Variants in PCDHA10 observed in about 807,000 individuals in gnomAD.
PCDHA10 encodes protocadherin alpha-10.
In PCDHA10, 45 loss-of-function variants were observed where a neutral mutation model predicts 61.2. That is an observed-to-expected ratio of 0.74 (90% CI 0.58 to 0.94). PCDHA10 has a LOEUF of 0.94. Among genes scored for constraint, PCDHA10 ranks in the 40% least tolerant of loss-of-function variants. The pLI is 0.00. For synonymous variants in PCDHA10, 602 were observed against 548.8 expected (o/e 1.10, Z -1.35); for missense variants, 1,278 against 1,236.2 (o/e 1.03, Z -0.51).
intron 1 of PCDHA10, among the ~76,000 whole-genome samples, chr5:140,878,958 T>C (rs2057789754): frequency 6.6e-6 from 1 of 152,208 alleles, no homozygotes; most frequent in Admixed American, 6.5e-5. Context: ...TTGAAATGTA[T>C]TACCTGGACA....
chr5:140,966,355 G>C (rs2095993623), intron 1 of PCDHA10: 1 of 400,198 alleles, frequency 2.5e-6, no homozygotes, highest in Non-Finnish European at 4.4e-6. Context: ...AGGAGATGGG[G>C]CTGGAGAGGC....
chr5:140,884,014 G>T, intron 1 of PCDHA10: 2 of 1,613,168 alleles, frequency 1.2e-6, no homozygotes, highest in Non-Finnish European at 1.7e-6. Context: ...AGCTGATGCC[G>T]CGGTCGGTGG....
At chr5:140,873,592 T>G (rs936003894) in intron 1 of PCDHA10, among the ~76,000 whole-genome samples, 1 of 152,234 alleles carries the variant, frequency 6.6e-6, no homozygotes, top group African/African-American at 2.4e-5. Flanking sequence ...TAAGCTAAAC[T>G]TAGATGTTCC....
chr5:140,991,923 C>T (rs996562269), intron 3 of PCDHA10, among the ~76,000 whole-genome samples: 1 of 152,088 alleles, frequency 6.6e-6, no homozygotes, highest in Non-Finnish European at 1.5e-5. Flanking sequence ...TGTAACATAA[C>T]ATATTCACAA....
chr5:140,994,747 G>A (rs2097648455), intron 3 of PCDHA10, among the ~76,000 whole-genome samples: 1 of 152,152 alleles, frequency 6.6e-6, no homozygotes, highest in Non-Finnish European at 1.5e-5. Context: ...ATGGCAAGTA[G>A]GATGTGGAGA....
chr5:140,864,323 T>C (rs2048419778), intron 1 of PCDHA10: 1 of 152,230 alleles, frequency 6.6e-6, no homozygotes, highest in Admixed American at 6.5e-5. Flanking sequence ...TTTAATATCA[T>C]AATTATTTGA....
At chr5:140,929,321 C>A (rs1554206981) in intron 1 of PCDHA10, 1 of 1,541,174 alleles carries the variant, frequency 6.5e-7, no homozygotes, top group Non-Finnish European at 8.8e-7. Flanking sequence ...AATGTCAATG[C>A]CATGGTAAGC....
intron 1 of PCDHA10, chr5:140,876,605 A>G: frequency 1.2e-6 from 2 of 1,614,060 alleles, no homozygotes; most frequent in South Asian, 1.1e-5. Flanking sequence ...TCGGATCGTG[A>G]CTCTGGAGCC....
chr5:140,910,551 T>G (rs1330218807), intron 1 of PCDHA10, among the ~76,000 whole-genome samples: 1 of 152,178 alleles, frequency 6.6e-6, no homozygotes, highest in East Asian at 1.9e-4. Flanking sequence ...TTGCAAAGTA[T>G]TAGTCAAGGA....
chr5:140,928,570 C>G, intron 1 of PCDHA10: 1 of 1,614,196 alleles, frequency 6.2e-7, no homozygotes, highest in Non-Finnish European at 8.5e-7. Flanking sequence ...GTTTCCCTTG[C>G]CCAGAAATGG....
At chr5:140,993,538 A>T (rs1175611433) in intron 3 of PCDHA10, among the ~76,000 whole-genome samples, 1 of 151,668 alleles carries the variant, frequency 6.6e-6, no homozygotes, top group Non-Finnish European at 1.5e-5. Context: ...AGAGAGAGAG[A>T]TAGAGAAGTG....
At chr5:141,005,953 A>G (rs1036085493) in intron 3 of PCDHA10, among the ~76,000 whole-genome samples, 1 of 152,052 alleles carries the variant, frequency 6.6e-6, no homozygotes, top group Non-Finnish European at 1.5e-5. Context: ...TCTCTAACAA[A>G]CAACAATAAA....
chr5:141,009,868 G>C lies in PCDHA10; in HGVS notation c.2778G>C (p.Lys926Asn). 1 of 1,614,022 alleles carries C rather than the reference G, an allele frequency of 6.2e-7. No individual in the cohort carries two copies. Among genetic ancestry groups the C allele is most frequent in the Non-Finnish European group, 8.5e-7 (1 of 1,180,004 alleles). Residue 926 changes from lysine (K) to asparagine (N), a missense_variant, in exon 4 of 4, where the codon AAG becomes AAC. Transcript: ENST00000307360. ...AGGAGACCAAGAAAAAGAAGAAAAA[G>C]AAGAAGGGTAACAAGACCCAGGAGA... ...KKEETKKKKKKKKGNKTQEKK... is the reference protein window; with the variant it reads ...KKEETKKKKKNKKGNKTQEKK...
intron 1 of PCDHA10, among the ~76,000 whole-genome samples, chr5:140,891,207 GCTGTGTCTTTATAATCATC>G (rs2062985050): frequency 6.6e-6 from 1 of 152,054 alleles, no homozygotes; most frequent in Non-Finnish European, 1.5e-5. Context: ...GTTTTACCAT[GCTGTGTCTTTATAATCATC>G]CTGTTCTGGA....
At chr5:140,987,239 G>T (rs1005484275) in intron 3 of PCDHA10, among the ~76,000 whole-genome samples, 6 of 151,586 alleles carry the variant, frequency 4.0e-5, no homozygotes, top group East Asian at 1.9e-4. Flanking sequence ...AATAAATAAA[G>T]AAAGAAAGAC....
intron 1 of PCDHA10, among the ~76,000 whole-genome samples, chr5:140,903,637 A>G (rs1290449623): frequency 1.3e-5 from 2 of 152,240 alleles, no homozygotes; most frequent in Non-Finnish European, 1.5e-5. Flanking sequence ...GTATGCATAT[A>G]CCATATACAT....
intron 1 of PCDHA10, among the ~76,000 whole-genome samples, chr5:140,872,509 C>A (rs1554166234): frequency 6.6e-6 from 1 of 152,076 alleles, no homozygotes; most frequent in Non-Finnish European, 1.5e-5. Flanking sequence ...TGCCTGTAGT[C>A]CCAGTTTCTT....
At chr5:140,986,372 G>T (rs570215048) in intron 3 of PCDHA10, among the ~76,000 whole-genome samples, 10 of 152,248 alleles carry the variant, frequency 6.6e-5, no homozygotes, top group African/African-American at 1.2e-4. Flanking sequence ...ATGCGTTTTG[G>T]GGGGAGGGAC....
rs535720832 is a variant in PCDHA10 at position 140,876,757 on chromosome 5, G to A, written c.2388+18321G>A. On this transcript the variant is annotated intron_variant, in intron 1 of 3. Transcript: ENST00000307360. ...CTATGAGCTGGTGGTGACTGCGCGG[G>A]ATGGGGGCTCGCCTTCGCTGTGGGC... 85 of 1,614,274 alleles carry A rather than the reference G, an allele frequency of 5.3e-5. No individual in the cohort carries two copies. The South Asian group carries it at 8.8e-4, about 17-fold the overall frequency.
Sources: allele counts gnomAD v4.1 joint callset (sites outside exome capture counted in the v4.1 genomes callset), GRCh38; gene constraint gnomAD v4.1.1; transcripts MANE v1.5; gene names NCBI Gene and HGNC (gene_info 2026-07-23, HGNC 2026-07-21).